The following MORN1 variants were observed in gnomAD, a reference collection of about 807,000 sequenced individuals.
MORN1 encodes the protein MORN repeat-containing protein 1.
In MORN1, 67 loss-of-function variants were observed where a neutral mutation model predicts 61.9. The ratio of observed to expected loss-of-function variants is 1.08; its 90% CI spans 0.89 to 1.33. The LOEUF (loss-of-function observed/expected upper bound fraction) is 1.33, where lower values mean the gene tolerates loss of function less well. Among genes scored for constraint, MORN1 ranks in the 40% most tolerant of loss-of-function variants. MORN1 has a pLI of 0.00. For synonymous variants in MORN1, 301 were observed against 292.0 expected, an observed-to-expected ratio of 1.03 and a Z score of -0.31; for missense variants, 752 against 691.2, an observed-to-expected ratio of 1.09 and a Z score of -0.99.
chr1:2,366,816 A>G (rs4648834), intron 8 of MORN1, among the ~76,000 whole-genome samples: 49,890 of 152,012 alleles, frequency 0.33, 8,521 homozygotes, highest in South Asian at 0.45. Context: ...GATGACAGGT[A>G]TGAGGCACTG....
intron 13 of MORN1, 172 bp downstream of exon 13, chr1:2,323,925 C>T (rs1268832561): frequency 2.0e-6 from 2 of 982,882 alleles, no homozygotes. Context: ...CAGCCCCCTT[C>T]CCATTCAGGT....
At chr1:2,379,364 T>C (rs1570034949) in intron 6 of MORN1, 1 of 356,448 alleles carries the variant, frequency 2.8e-6, no homozygotes, top group East Asian at 7.6e-5. Flanking sequence ...CAGCCGGCGC[T>C]GGTTGGGGTG....
chr1:2,329,628 G>A (rs1442517733), intron 12 of MORN1, among the ~76,000 whole-genome samples: 1 of 152,178 alleles, frequency 6.6e-6, no homozygotes, highest in East Asian at 1.9e-4. Context: ...GCTGGGCTGA[G>A]TGGGGCCTCC....
At chr1:2,385,667 G>C (rs1419379610) in intron 5 of MORN1, 140 bp downstream of exon 5, 4 of 690,288 alleles carry the variant, frequency 5.8e-6, no homozygotes, top group African/African-American at 1.8e-5. Flanking sequence ...GCACTGGGGG[G>C]GTGGCGGGTA....
At chr1:2,382,677 T>C (rs1420528850) in intron 6 of MORN1, among the ~76,000 whole-genome samples, 1 of 152,126 alleles carries the variant, frequency 6.6e-6, no homozygotes, top group Non-Finnish European at 1.5e-5. Context: ...CAGCACGTGG[T>C]GAAGTCTGGT....
intron 6 of MORN1, among the ~76,000 whole-genome samples, chr1:2,381,148 CACAA>C (rs1032996043): frequency 3.3e-5 from 5 of 152,262 alleles, no homozygotes; most frequent in Non-Finnish European, 4.4e-5. Context: ...TGTCTTCTTG[CACAA>C]ACAGCCATGT....
chr1:2,357,724 C>T lies in MORN1; in HGVS notation c.870-126G>A. 1.7e-6 allele frequency: 2 copies of T among 1,146,098 alleles called. No individual in the cohort carries two copies. Among genetic ancestry groups the T allele is most frequent in the Non-Finnish European group, 2.3e-6 (2 of 858,148 alleles). The allele number at this position is 1,146,098 out of a possible 1,614,324, so 71.0% of individuals were successfully genotyped here. ...ACTGAGTCCAGGGAGCGCTACTCAG[C>T]CTCTCTGGGAGGTCTCCTGCTGGGA... On this transcript the variant is annotated intron_variant, in intron 9 of 13. Coordinates refer to ENST00000378531, the MANE Select transcript of MORN1 (RefSeq NM_024848.3). The surrounding 1 kb of genome is among the most constrained non-coding windows in gnomAD (Gnocchi z 6.3).
chr1:2,362,196 C>T (rs918597271), intron 8 of MORN1, among the ~76,000 whole-genome samples: 28 of 152,194 alleles, frequency 1.8e-4, no homozygotes, highest in Middle Eastern at 3.2e-3. Context: ...CATGCCACTG[C>T]ACTCCAGCCT....
rs553258255 is a variant in MORN1 at position 2,382,041 on chromosome 1, T to G, written c.537+2937A>C. Among the ~76,000 whole-genome samples, 3 of 152,208 alleles carry G rather than the reference T, an allele frequency of 2.0e-5. No individual in the cohort carries two copies. In the South Asian group the frequency reaches 6.2e-4, roughly 32 times the overall value. ...GACCAGCAAGCAGTGTGGACCCGAG[T>G]TGGCGCCTGGGTAGTAGCCAGGGGA... On this transcript the variant is annotated intron_variant, in intron 6 of 13. Coordinates refer to ENST00000378531, the MANE Select transcript of MORN1 (RefSeq NM_024848.3).
In MORN1 at chr1:2,359,622, CCT is replaced by C. The variant is rs562000802; in HGVS notation, c.746-909_746-908del. ...AGGAGGCCAGATGTGGTGGCTCACC[CCT>C]GTCATCCCAGCACTTTGGGAGGCCG... On this transcript the variant is annotated intron_variant, in intron 8 of 13. Transcript: ENST00000378531. Among the ~76,000 whole-genome samples the C allele has an allele frequency of 1.9e-3, 287 of 152,262 alleles. 1 individual carries two copies. Among genetic ancestry groups the C allele is most frequent in the African/African-American group, 6.4e-3 (264 of 41,534 alleles).
chr1:2,344,516 A>C (rs1032763141), intron 10 of MORN1, among the ~76,000 whole-genome samples: 3 of 152,140 alleles, frequency 2.0e-5, no homozygotes, highest in African/African-American at 4.8e-5. Flanking sequence ...GCTGCTGAGG[A>C]GGCCAGGAGC....
chr1:2,358,755 ACC>A (rs1170379501), intron 8 of MORN1, 40 bp from the exon 9 acceptor site: 7 of 1,583,372 alleles, frequency 4.4e-6, no homozygotes, highest in Non-Finnish European at 6.0e-6. Flanking sequence ...ACTCACAGGC[ACC>A]CAGAAGCGGG....
At chr1:2,331,803 G>T (rs928093637) in intron 12 of MORN1, among the ~76,000 whole-genome samples, 7 of 151,382 alleles carry the variant, frequency 4.6e-5, no homozygotes, top group African/African-American at 1.5e-4. Flanking sequence ...CTCCTCTCCC[G>T]CGGCTGCGCC....
At chr1:2,322,476 G>A (rs1356927764) in intron 13 of MORN1, 6 of 985,242 alleles carry the variant, frequency 6.1e-6, no homozygotes, top group Non-Finnish European at 7.2e-6. Flanking sequence ...GGGCTCGGCC[G>A]CCTGTGCGTT....
At chr1:2,375,751 G>A (rs931980607) in intron 6 of MORN1, 5 of 152,260 alleles carry the variant, frequency 3.3e-5, no homozygotes, top group Non-Finnish European at 5.9e-5. Context: ...GGTGGGCAGA[G>A]GCCCGGCTGC....
At chr1:2,348,766 T>C (rs1374995934) in intron 10 of MORN1, among the ~76,000 whole-genome samples, 4 of 97,964 alleles carry the variant, frequency 4.1e-5, no homozygotes, top group Admixed American at 9.9e-5. Flanking sequence ...CACGCACACC[T>C]GCGCAGGCAC....
At position 2,391,481 on chromosome 1, in the gene MORN1, G is replaced by C; in HGVS notation, c.53C>G (p.Pro18Arg). Reference protein sequence around the residue: ...TPSSRGPRRDPPRRPPRNGYG... With the variant: ...TPSSRGPRRDRPRRPPRNGYG... Reference sequence around the variant, plus strand: ...ACCGTTCCGGGGCGGCCGCCTAGGCGGGTCCCGACGCGGCCCGCGGGAGCT... The same window carrying C: ...ACCGTTCCGGGGCGGCCGCCTAGGCCGGTCCCGACGCGGCCCGCGGGAGCT... Residue 18 changes from proline (P) to arginine (R), a missense_variant, in exon 1 of 14, where the codon CCG (proline) becomes CGG (arginine). By Grantham distance (103) the Pro-to-Arg change is moderately radical (BLOSUM62 -2). Transcript: ENST00000378531. 8.0e-7 allele frequency: 1 copy of C among 1,254,732 alleles called. No individual in the cohort carries two copies. Among genetic ancestry groups the C allele is most frequent in the Non-Finnish European group, 1.0e-6 (1 of 992,700 alleles). The allele number at this position is 1,254,732 out of a possible 1,614,324, so 77.7% of individuals were successfully genotyped here.
intron 6 of MORN1, 109 bp from the exon 7 acceptor site, chr1:2,374,666 G>C (rs1051562903): frequency 1.1e-6 from 1 of 889,298 alleles, no homozygotes; most frequent in Non-Finnish European, 1.7e-6. Flanking sequence ...AGGACCAAAG[G>C]CTGCTAGAAA....
chr1:2,379,359 G>A (rs371698028), intron 6 of MORN1: 3 of 356,538 alleles, frequency 8.4e-6, no homozygotes, highest in East Asian at 1.5e-4. Context: ...ACGAACAGCC[G>A]GCGCTGGTTG....
Sources: gnomAD v4.1 joint callset for allele counts (sites outside exome capture counted in the v4.1 genomes callset) on GRCh38, gnomAD v4.1.1 for gene constraint, Gnocchi (gnomAD v3.1) non-coding constraint, MANE v1.5 for transcripts, NCBI Gene and HGNC (gene_info 2026-07-23, HGNC 2026-07-21) for gene names.